The following ERC1 variants were observed in gnomAD, a reference collection of about 807,000 sequenced individuals.
ERC1 encodes the protein ELKS/RAB6-interacting/CAST family member 1, also known as RAB6 interacting protein 2.
Under a neutral mutation model 132.0 loss-of-function variants are expected in ERC1, and 56 were observed. That is an observed-to-expected ratio of 0.42 (90% confidence interval 0.34 to 0.53). The LOEUF (loss-of-function observed/expected upper bound fraction) is 0.53. Among genes scored for constraint, ERC1 ranks in the 20% least tolerant of loss-of-function variants. ERC1 has a pLI of 0.03. For synonymous variants in ERC1, 478 were observed against 476.1 expected (o/e 1.00, Z -0.05); for missense variants, 1,202 against 1,349.9 (o/e 0.89, Z 1.72).
chr12:1,290,721 G>T (rs1477207782), intron 15 of ERC1, among the ~76,000 whole-genome samples: 1 of 151,656 alleles, frequency 6.6e-6, no homozygotes, highest in Non-Finnish European at 1.5e-5. Context: ...AGACCCTACT[G>T]CTATTTTACT....
At chr12:1,256,006 G>T (rs1367815994) in intron 13 of ERC1, among the ~76,000 whole-genome samples, 1 of 152,046 alleles carries the variant, frequency 6.6e-6, no homozygotes, top group Non-Finnish European at 1.5e-5. Context: ...CAGTGATGAT[G>T]AGCATTTTTC....
intron 12 of ERC1, among the ~76,000 whole-genome samples, chr12:1,206,481 T>C (rs572367007): frequency 7.9e-4 from 121 of 152,232 alleles, no homozygotes; most frequent in African/African-American, 2.8e-3. Flanking sequence ...TTCTCCCTTG[T>C]CTTCTTCCCC....
At chr12:1,134,023 G>A (rs1266805115) in intron 7 of ERC1, among the ~76,000 whole-genome samples, 1 of 152,140 alleles carries the variant, frequency 6.6e-6, no homozygotes, top group Non-Finnish European at 1.5e-5. Context: ...AGCATTGTGA[G>A]TTTTACCTTG....
At chr12:1,084,726 C>T (rs1306468643) in intron 3 of ERC1, among the ~76,000 whole-genome samples, 1 of 151,622 alleles carries the variant, frequency 6.6e-6, no homozygotes, top group East Asian at 1.9e-4. Context: ...GGGTCTCACT[C>T]TGTCACTCAG....
At chr12:1,213,459 G>A (rs1037841491) in intron 12 of ERC1, among the ~76,000 whole-genome samples, 2 of 151,996 alleles carry the variant, frequency 1.3e-5, no homozygotes, top group African/African-American at 2.4e-5. Flanking sequence ...TTTTAAGACC[G>A]GGTGCGGTGG....
At position 1,256,418 on chromosome 12, in the gene ERC1, T is replaced by TAA. The variant is rs796558976; in HGVS notation, c.2488-6600_2488-6599dup. On this transcript the variant is annotated intron_variant, in intron 13 of 18. Transcript: ENST00000360905. ...GACTCTGAGTATTTCGTTCTCAGAC[T>TAA]AAAAAAAAAAAAAAAAAGTTGATTC... 3.7e-3 allele frequency among the ~76,000 whole-genome samples: 457 copies of TAA among 123,644 alleles called. 18 individuals are homozygous for TAA. Among genetic ancestry groups the TAA allele is most frequent in the African/African-American group, 0.011 (344 of 32,518 alleles). The allele number at this position is 123,644 out of a possible 152,430, so 81.1% of individuals were successfully genotyped here.
At chr12:1,450,577 C>T (rs757899807) in intron 18 of ERC1, among the ~76,000 whole-genome samples, 7 of 152,202 alleles carry the variant, frequency 4.6e-5, no homozygotes, top group Non-Finnish European at 7.3e-5. Flanking sequence ...CACATTTTAG[C>T]TCTCATGAAT....
intron 1 of ERC1, among the ~76,000 whole-genome samples, chr12:1,008,599 C>G (rs1341429016): frequency 1.3e-5 from 2 of 151,952 alleles, no homozygotes; most frequent in Non-Finnish European, 2.9e-5. Context: ...AATACTAGCT[C>G]TTTGAAATCA....
Position 1,190,069 on chromosome 12 carries a change from G to C in ERC1, c.2351+17G>C. 6.2e-7 allele frequency: 1 copy of C among 1,600,394 alleles called. No homozygotes were observed. Among genetic ancestry groups the C allele is most frequent in the Non-Finnish European group, 8.6e-7 (1 of 1,167,986 alleles). On this transcript the variant is annotated intron_variant, in intron 12 of 18. Transcript: ENST00000360905. The stretch of plus-strand genomic sequence containing the variant: ...GTTGGAAAGGTAAGAAAGTGAAGCT[G>C]ATTGGGGCTTATGAGGTTAAAGTAT...
intron 17 of ERC1, among the ~76,000 whole-genome samples, chr12:1,422,913 A>T (rs139447905): frequency 6.6e-6 from 1 of 152,150 alleles, no homozygotes; most frequent in Admixed American, 6.5e-5. Context: ...TTGGTGTGTG[A>T]TGGTATCTCA....
chr12:1,017,710 G>A (rs1965739134), intron 1 of ERC1, among the ~76,000 whole-genome samples: 1 of 151,898 alleles, frequency 6.6e-6, no homozygotes, highest in Admixed American at 6.6e-5. Context: ...TATTGGCCAG[G>A]CTGGCCTCGA....
chr12:1,035,917 G>A (rs545744585), intron 2 of ERC1, among the ~76,000 whole-genome samples: 41 of 150,172 alleles, frequency 2.7e-4, no homozygotes, highest in Non-Finnish European at 5.2e-4. Flanking sequence ...GCATGACTCC[G>A]TCTCAGAAAA....
chr12:1,055,645 A>G (rs765647276), intron 2 of ERC1, among the ~76,000 whole-genome samples: 6 of 152,266 alleles, frequency 3.9e-5, no homozygotes, highest in Non-Finnish European at 8.8e-5. Flanking sequence ...TAGTGTATAT[A>G]TGTATGTATA....
chr12:1,424,844 T>TAGATC (rs745570432), intron 17 of ERC1, among the ~76,000 whole-genome samples: 1 of 75,616 alleles, frequency 1.3e-5, no homozygotes, highest in Non-Finnish European at 2.8e-5. Context: ...GATAGATAGA[T>TAGATC]GATAGATAGA....
intron 1 of ERC1, among the ~76,000 whole-genome samples, chr12:1,003,646 A>G (rs994932912): frequency 3.9e-5 from 6 of 152,134 alleles, no homozygotes; most frequent in Non-Finnish European, 5.9e-5. Context: ...AAATCTTTCA[A>G]CTTTTCATTG....
rs756634324 is a variant in ERC1, at chr12:1,289,818, CA to C, written c.2620-33del. The C allele has an allele frequency of 3.1e-6, 5 of 1,591,210 alleles. No homozygotes were observed. The South Asian group carries it at 5.5e-5, about 18-fold the overall frequency. ...GTCCTCTGACTCTGATTGATCAAGA[CA>C]CTCTGTTGTTCTCTTTCCCATATTT... On this transcript the variant is annotated intron_variant, in intron 14 of 18. Coordinates refer to ENST00000360905, the MANE Select transcript of ERC1 (RefSeq NM_178040.4).
intron 16 of ERC1, among the ~76,000 whole-genome samples, 172 bp from the exon 17 acceptor site, chr12:1,407,977 G>C (rs190603302): frequency 1.3e-5 from 2 of 152,110 alleles, no homozygotes; most frequent in African/African-American, 4.8e-5. Flanking sequence ...AATTCAGCCC[G>C]TAGTATTGGC....
chr12:1,190,379 A>G (rs1375085376), intron 12 of ERC1, among the ~76,000 whole-genome samples: 4 of 152,200 alleles, frequency 2.6e-5, no homozygotes, highest in South Asian at 2.1e-4. Flanking sequence ...ATTTCTCTAT[A>G]TAATGATCAA....
At position 1,440,668 on chromosome 12, in the gene ERC1, G is replaced by GTGTGTGTGTGTGTGTGTGTGT. The variant is rs2093123666; in HGVS notation, c.3025-3894_3025-3893insTGTGTGTGTGTGTGTGTGTGT. ...TGTGTGTGTGTGTGTGTGTGTGTGTGATGGAGTCTCACTCTGTCGCCCAGG... is the reference window on the plus strand; with the variant it reads ...TGTGTGTGTGTGTGTGTGTGTGTGTGTGTGTGTGTGTGTGTGTGTGTATGGAGTCTCACTCTGTCGCCCAGG... On this transcript the variant is annotated intron_variant, in intron 17 of 18. Coordinates refer to ENST00000360905, the MANE Select transcript of ERC1 (RefSeq NM_178040.4). Among the ~76,000 whole-genome samples the GTGTGTGTGTGTGTGTGTGTGT allele has an allele frequency of 2.8e-5, 3 of 106,368 alleles. No homozygotes were observed. In the Admixed American group the frequency reaches 3.0e-4, roughly 11 times the overall value. 69.8% of individuals were successfully genotyped at this position (106,368 alleles called of 152,430 possible). A position where few individuals can be genotyped will look rare whatever the true frequency, so the allele number is the denominator to read the frequency against.
Sources: allele counts gnomAD v4.1 joint callset (sites outside exome capture counted in the v4.1 genomes callset), GRCh38; gene constraint gnomAD v4.1.1; transcripts MANE v1.5; gene names NCBI Gene and HGNC (gene_info 2026-07-23, HGNC 2026-07-21).